Variants in PRKN observed in about 807,000 individuals in gnomAD.
PRKN encodes the protein E3 ubiquitin-protein ligase parkin.
Under a neutral mutation model 59.5 loss-of-function variants are expected in PRKN, and 56 were observed. The ratio of observed to expected loss-of-function variants is 0.94; its 90% CI spans 0.76 to 1.18. The LOEUF (loss-of-function observed/expected upper bound fraction) is 1.18, where lower values mean the gene tolerates loss of function less well. PRKN is among the 50% of genes most tolerant of loss of function. PRKN has a pLI of 0.00. For missense variants in PRKN, 657 were observed against 596.4 expected, an observed-to-expected ratio of 1.10 and a Z score of -1.06; for synonymous variants, 250 against 222.1, an observed-to-expected ratio of 1.13 and a Z score of -1.12.
intron 9 of PRKN, among the ~76,000 whole-genome samples, chr6:161,524,081 G>T (rs1294668826): frequency 6.6e-6 from 1 of 151,894 alleles, no homozygotes; most frequent in Non-Finnish European, 1.5e-5. Flanking sequence ...AAAATCCCTT[G>T]TTTCCACTAT....
At chr6:161,805,857 G>A (rs1370636042) in intron 6 of PRKN, among the ~76,000 whole-genome samples, 1 of 152,094 alleles carries the variant, frequency 6.6e-6, no homozygotes, top group Non-Finnish European at 1.5e-5. Context: ...CCTCCTATTT[G>A]CCCCATGGGT....
chr6:162,088,541 A>G (rs924566297), intron 4 of PRKN, among the ~76,000 whole-genome samples: 9 of 152,284 alleles, frequency 5.9e-5, no homozygotes, highest in African/African-American at 2.2e-4. Context: ...TTGTTTAGGA[A>G]ATGAACAAAG....
intron 9 of PRKN, among the ~76,000 whole-genome samples, chr6:161,481,334 T>G (rs2315315): frequency 0.77 from 116,550 of 152,072 alleles, 44,828 homozygotes; most frequent in Middle Eastern, 0.85. Context: ...GCTGGGCGCG[T>G]TGGCTCACTC....
chr6:161,532,359 G>A lies in PRKN; in HGVS notation c.1083+16495C>T, dbSNP rs78423833. ...TGGTAAAATGGTAAATTTATTTCTG[G>A]ATCTAGTTTGTGAAGCAGGAGTGTG... On this transcript the variant is annotated intron_variant, in intron 9 of 11. Coordinates refer to ENST00000366898, the MANE Select transcript of PRKN (RefSeq NM_004562.3). 3.1e-3 allele frequency among the ~76,000 whole-genome samples: 473 copies of A among 151,998 alleles called. 4 individuals carry two copies. Among genetic ancestry groups the A allele is most frequent in the African/African-American group, 0.011 (452 of 41,472 alleles).
rs1179686315 is a variant in PRKN at position 161,730,555 on chromosome 6, ATGTTGCATTCTTTCTGATG to A, written c.871+55198_871+55216del. Among the ~76,000 whole-genome samples the A allele has an allele frequency of 1.5e-4, 18 of 118,160 alleles. 2 individuals carry two copies. Among genetic ancestry groups the A allele is most frequent in the African/African-American group, 6.3e-4 (18 of 28,450 alleles). 77.5% of individuals were successfully genotyped at this position (118,160 alleles called of 152,430 possible). On this transcript the variant is annotated intron_variant, in intron 7 of 11. Coordinates refer to ENST00000366898, the MANE Select transcript of PRKN (RefSeq NM_004562.3). ...TCTTTCTGATGTGTTGCATTCTGAT[ATGTTGCATTCTTTCTGATG>A]TGTTGCATTCTGATGTGTTGCATTC...
In PRKN at chr6:162,553,839, AAAAAAAAAAG is replaced by A. The variant is rs1779435881; in HGVS notation, c.8-110376_8-110367del. 8.7e-5 allele frequency among the ~76,000 whole-genome samples: 2 copies of A among 22,902 alleles called. 1 individual carries two copies. The highest frequency in any genetic ancestry group is 1.7e-3 in the East Asian group (2 of 1,154). 15.0% of individuals were successfully genotyped at this position (22,902 alleles called of 152,430 possible). ...AAAAAAAAAAAAAAAAAAAAAAAAA[AAAAAAAAAAG>A]GGTAAAAGTGAGTGGGGAAAAGGCA... On this transcript the variant is annotated intron_variant, in intron 1 of 11. Coordinates refer to ENST00000366898, the MANE Select transcript of PRKN (RefSeq NM_004562.3).
chr6:161,995,173 T>C (rs10945791), intron 5 of PRKN, among the ~76,000 whole-genome samples: 120,172 of 152,120 alleles, frequency 0.79, 48,190 homozygotes, highest in African/African-American at 0.93. Flanking sequence ...AAGGTAACAA[T>C]GACAAACATT....
Position 162,333,371 on chromosome 6 carries a change from G to A in PRKN, c.172-70606C>T, listed in dbSNP as rs531315169. On this transcript the variant is annotated intron_variant, in intron 2 of 11. Coordinates refer to ENST00000366898, the MANE Select transcript of PRKN (RefSeq NM_004562.3). Reference sequence around the variant, plus strand: ...AACAAATTGAAGGTTTATGGCGACCGTGCATCAAGCAAGTCCACAGGAGAC... The same window carrying A: ...AACAAATTGAAGGTTTATGGCGACCATGCATCAAGCAAGTCCACAGGAGAC... 3.3e-5 allele frequency among the ~76,000 whole-genome samples: 5 copies of A among 152,022 alleles called. No homozygotes were observed. The South Asian group carries it at 8.3e-4, about 25-fold the overall frequency.
intron 7 of PRKN, among the ~76,000 whole-genome samples, chr6:161,723,776 C>A (rs975875875): frequency 6.6e-6 from 1 of 152,178 alleles, no homozygotes; most frequent in Non-Finnish European, 1.5e-5. Flanking sequence ...CTCTGAGAAT[C>A]CACGCAGGCT....
At chr6:162,425,737 G>T (rs1423942068) in intron 2 of PRKN, among the ~76,000 whole-genome samples, 1 of 151,924 alleles carries the variant, frequency 6.6e-6, no homozygotes, top group Non-Finnish European at 1.5e-5. Flanking sequence ...GAAGTGAGAG[G>T]TACTGAAAAA....
intron 1 of PRKN, among the ~76,000 whole-genome samples, chr6:162,664,071 T>C (rs1295576178): frequency 6.6e-6 from 1 of 152,066 alleles, no homozygotes; most frequent in Non-Finnish European, 1.5e-5. Context: ...CAACAGGCCC[T>C]GGTGTGTGTT....
intron 5 of PRKN, among the ~76,000 whole-genome samples, chr6:161,994,203 C>T (rs1408384836): frequency 1.4e-5 from 2 of 145,928 alleles, no homozygotes; most frequent in Non-Finnish European, 3.0e-5. Flanking sequence ...TGATACATCA[C>T]ATCAAGATAA....
At position 161,468,121 on chromosome 6, in the gene PRKN, C is replaced by T. The variant is rs1030042553; in HGVS notation, c.1083+80733G>A. 6.6e-6 allele frequency among the ~76,000 whole-genome samples: 1 copy of T among 151,990 alleles called. No individual in the cohort carries two copies. Among genetic ancestry groups the T allele is most frequent in the Non-Finnish European group, 1.5e-5 (1 of 67,984 alleles). ...CTGAGTAGCTGGGATTATAGGCACG[C>T]ACCACCACACCTAGCTAATTTTTGT... On this transcript the variant is annotated intron_variant, in intron 9 of 11. Transcript: ENST00000366898. This position sits in a 1 kb window ranked among gnomAD's most constrained non-coding sequence, Gnocchi z 5.9.
chr6:162,080,398 G>T (rs545150632), intron 4 of PRKN, among the ~76,000 whole-genome samples: 34 of 151,248 alleles, frequency 2.2e-4, no homozygotes, highest in Non-Finnish European at 4.9e-4. Context: ...TGTAATGTTA[G>T]TTACAGGCAT....
chr6:161,742,115 G>A (rs573761014), intron 7 of PRKN, among the ~76,000 whole-genome samples: 19 of 152,166 alleles, frequency 1.2e-4, no homozygotes, highest in South Asian at 4.1e-4. Context: ...GATTACAGGC[G>A]TGCACCACCA....
intron 5 of PRKN, among the ~76,000 whole-genome samples, chr6:162,002,007 G>C (rs1347605227): frequency 6.6e-6 from 1 of 151,472 alleles, no homozygotes; most frequent in Non-Finnish European, 1.5e-5. Context: ...TTGTAGATCT[G>C]TCATAGATCT....
intron 7 of PRKN, among the ~76,000 whole-genome samples, chr6:161,700,397 GC>G (rs1786204001): frequency 6.6e-6 from 1 of 152,004 alleles, no homozygotes; most frequent in South Asian, 2.1e-4. Context: ...GGCTTCAGTG[GC>G]CCTGATAGAA....
At chr6:161,854,920 C>T (rs932600456) in intron 6 of PRKN, among the ~76,000 whole-genome samples, 1 of 151,440 alleles carries the variant, frequency 6.6e-6, no homozygotes, top group African/African-American at 2.4e-5. Flanking sequence ...CTGTCTCTAC[C>T]AAAAATATAA....
chr6:161,757,792 C>T (rs9717986), intron 7 of PRKN, among the ~76,000 whole-genome samples: 122,477 of 146,156 alleles, frequency 0.84, 51,902 homozygotes, highest in East Asian at 0.98. Context: ...TTGCTGAGAT[C>T]GCACCATTGC....
Sources: allele counts gnomAD v4.1 joint callset (sites outside exome capture counted in the v4.1 genomes callset), GRCh38; gene constraint gnomAD v4.1.1; non-coding constraint Gnocchi (gnomAD v3.1); transcripts MANE v1.5; gene names NCBI Gene and HGNC (gene_info 2026-07-23, HGNC 2026-07-21).